ATP6V0D2: variants seen among roughly 807,000 people sequenced by gnomAD.
ATP6V0D2 encodes the protein V-type proton ATPase subunit d 2.
A neutral mutation model predicts 40.0 loss-of-function variants in ATP6V0D2; 40 were observed. The ratio of observed to expected loss-of-function variants is 1.00; its 90% CI spans 0.78 to 1.30. The LOEUF is 1.30. ATP6V0D2 is among the 50% of genes most tolerant of loss of function. The pLI, the probability that ATP6V0D2 is intolerant of heterozygous loss-of-function variation, is 0.00. For synonymous variants in ATP6V0D2, 179 were observed against 156.3 expected (o/e 1.15, Z -1.08); for missense variants, 470 against 423.1 (o/e 1.11, Z -0.97).
chr8:86,100,857 CAA>C (rs796758762), intron 1 of ATP6V0D2, among the ~76,000 whole-genome samples: 4 of 130,868 alleles, frequency 3.1e-5, no homozygotes, highest in African/African-American at 5.6e-5. Context: ...TTTGTGATAC[CAA>C]AAAAAAAAAA....
rs150673068 is a variant in ATP6V0D2 at position 86,139,629 on chromosome 8, C to T, written c.475C>T (p.Pro159Ser). Residue 159 changes from proline (P) to serine (S), a missense_variant, in exon 3 of 8, where the codon CCA becomes TCA. Coordinates refer to ENST00000285393, the MANE Select transcript of ATP6V0D2 (RefSeq NM_152565.1). ...CTTTAATGCCATTCTGATCGAAACG[C>T]CATTAGGTAGGAACACTTAGGTAAT... ...DLFNAILIET[P>S]LAPFFQDCMS... 6.3e-6 allele frequency: 10 copies of T among 1,589,922 alleles called. No homozygotes were observed. The African/African-American group carries it at 1.1e-4, about 17-fold the overall frequency.
rs1242479597 is a variant in ATP6V0D2, at chr8:86,133,316, C to CTTT, written c.303-6118_303-6116dup. Among the ~76,000 whole-genome samples, 614 of 77,286 alleles carry CTTT rather than the reference C, an allele frequency of 7.9e-3. 12 individuals are homozygous for CTTT. The highest frequency in any genetic ancestry group is 0.01 in the African/African-American group (189 of 18,762). The allele number at this position is 77,286 out of a possible 152,430, so 50.7% of individuals were successfully genotyped here. On this transcript the variant is annotated intron_variant, in intron 2 of 7. Transcript: ENST00000285393. ...AGGGGCAGCTTCACAAACAGAAAGTCTTTTTTTTTTTTTTTTTTTTTTTTT... is the reference window on the plus strand; with the variant it reads ...AGGGGCAGCTTCACAAACAGAAAGTCTTTTTTTTTTTTTTTTTTTTTTTTTTTT...
At chr8:86,138,963 C>T (rs1251740819) in intron 2 of ATP6V0D2, among the ~76,000 whole-genome samples, 2 of 152,182 alleles carry the variant, frequency 1.3e-5, no homozygotes, top group South Asian at 2.1e-4. Flanking sequence ...CACCATGGCT[C>T]ATGCCTATAA....
At chr8:86,147,574 A>G (rs1376571939) in intron 5 of ATP6V0D2, among the ~76,000 whole-genome samples, 1 of 152,158 alleles carries the variant, frequency 6.6e-6, no homozygotes, top group Non-Finnish European at 1.5e-5. Context: ...GTCCTTTTCC[A>G]ATTCTAAAAC....
At chr8:86,107,437 CA>C (rs1270336312) in intron 1 of ATP6V0D2, among the ~76,000 whole-genome samples, 2 of 152,122 alleles carry the variant, frequency 1.3e-5, no homozygotes, top group African/African-American at 4.8e-5. Flanking sequence ...TGAATGAGGA[CA>C]AGAGTCAGGT....
In ATP6V0D2 at chr8:86,152,867, T is replaced by C. The variant is rs1366026427; in HGVS notation, c.943T>C (p.Tyr315His). The C allele has an allele frequency of 1.2e-6, 2 of 1,612,602 alleles. No individual in the cohort carries two copies. The highest frequency in any genetic ancestry group is 1.7e-6 in the Non-Finnish European group (2 of 1,179,508). The change falls in exon 8 of 8, where the codon TAT (tyrosine) becomes CAT (histidine). Residue 315 changes from tyrosine (Y) to histidine (H), a missense_variant. Physicochemically the swap from Tyr to His is moderately conservative, Grantham distance 83. Coordinates refer to ENST00000285393, the MANE Select transcript of ATP6V0D2 (RefSeq NM_152565.1). ...CAGACAGTTCCACTACGGTGTGTTT[T>C]ATGCATATGTAAAGCTGAAGGAACA... is the stretch of plus-strand genomic sequence containing the variant. The part of the protein sequence containing the change: ...FNRQFHYGVF[Y>H]AYVKLKEQEI...
chr8:86,141,965 G>T (rs1355754013), intron 4 of ATP6V0D2, among the ~76,000 whole-genome samples: 2 of 152,168 alleles, frequency 1.3e-5, no homozygotes, highest in Non-Finnish European at 2.9e-5. Flanking sequence ...AATCTACAGT[G>T]TGCAGCATAC....
intron 1 of ATP6V0D2, among the ~76,000 whole-genome samples, chr8:86,100,265 TTATTATTA>T: frequency 6.6e-6 from 1 of 152,280 alleles, no homozygotes; most frequent in Admixed American, 6.5e-5. Context: ...AACAGTATTT[TTATTATTA>T]AAAACAGCTA....
At chr8:86,152,326 A>G (rs182376476) in intron 7 of ATP6V0D2, among the ~76,000 whole-genome samples, 154 of 152,252 alleles carry the variant, frequency 1.0e-3, no homozygotes, top group Non-Finnish European at 2.0e-3. Flanking sequence ...GCTATCACTG[A>G]TGGGCATTTG....
intron 4 of ATP6V0D2, 99 bp downstream of exon 4, chr8:86,141,628 C>A: frequency 1.2e-6 from 1 of 806,402 alleles, no homozygotes; most frequent in Non-Finnish European, 1.9e-6. Context: ...CCAACTTCTG[C>A]AATTATGAAA....
At chr8:86,141,595 T>G in intron 4 of ATP6V0D2, 66 bp downstream of exon 4, 4 of 1,195,084 alleles carry the variant, frequency 3.3e-6, no homozygotes, top group Non-Finnish European at 4.7e-6. Flanking sequence ...GAGTTCTCTA[T>G]TAAAACTTAC....
At position 86,151,532 on chromosome 8, in the gene ATP6V0D2, G is replaced by C; in HGVS notation, c.883G>C (p.Glu295Gln). ...AAAGACATTGGAGGACGTGTTTTAC[G>C]AGCGTGAGGTATGATATAAGTGGAA... ...GGKTLEDVFY[E>Q]REVQMNVLAF... is the part of the protein sequence containing the mutation. The change falls in exon 7 of 8, where the codon GAG (glutamate) becomes CAG (glutamine). Residue 295 changes from glutamate (E) to glutamine (Q), a missense_variant. By Grantham distance (29) the Glu-to-Gln change is conservative. Coordinates refer to ENST00000285393, the MANE Select transcript of ATP6V0D2 (RefSeq NM_152565.1). 1 of 1,606,864 alleles carries C rather than the reference G, an allele frequency of 6.2e-7. No homozygotes were observed.
chr8:86,148,487 T>A (rs1194484918), intron 5 of ATP6V0D2, among the ~76,000 whole-genome samples: 1 of 152,168 alleles, frequency 6.6e-6, no homozygotes, highest in Non-Finnish European at 1.5e-5. Flanking sequence ...AGTCAAAAGC[T>A]GATTAGAGGA....
intron 2 of ATP6V0D2, among the ~76,000 whole-genome samples, chr8:86,114,151 G>A (rs1259270411): frequency 6.7e-6 from 1 of 150,328 alleles, no homozygotes; most frequent in Non-Finnish European, 1.5e-5. Context: ...AAAAAAAAAA[G>A]TGTTGCCAGT....
chr8:86,144,816 G>A (rs1819024977), intron 5 of ATP6V0D2, among the ~76,000 whole-genome samples: 1 of 151,694 alleles, frequency 6.6e-6, no homozygotes, highest in Non-Finnish European at 1.5e-5. Flanking sequence ...ACATGCACAT[G>A]CCACCATGCC....
chr8:86,126,843 T>C (rs1039397505), intron 2 of ATP6V0D2, among the ~76,000 whole-genome samples: 14 of 152,144 alleles, frequency 9.2e-5, no homozygotes, highest in African/African-American at 3.1e-4. Flanking sequence ...GTTTGAAGAA[T>C]TTTTAATCTA....
Position 86,117,402 on chromosome 8 carries a change from C to T in ATP6V0D2, c.302+3522C>T, listed in dbSNP as rs562908252. ...TCGTGTAAAGAATTAGACTACAGAT[C>T]TAGCTCAAATTGTTTTCCCAAATAG... is the stretch of plus-strand genomic sequence containing the variant. On this transcript the variant is annotated intron_variant, in intron 2 of 7. Transcript: ENST00000285393. Among the ~76,000 whole-genome samples the T allele has an allele frequency of 3.6e-4, 55 of 152,310 alleles. No homozygotes were observed. In the South Asian group the frequency reaches 1.0e-2, roughly 28 times the overall value.
At chr8:86,148,199 G>C (rs1421694552) in intron 5 of ATP6V0D2, among the ~76,000 whole-genome samples, 6 of 152,240 alleles carry the variant, frequency 3.9e-5, no homozygotes, top group Admixed American at 3.9e-4. Context: ...TTTGTTTTAA[G>C]TTTTCTTATT....
chr8:86,120,531 G>T (rs1818655521), intron 2 of ATP6V0D2, among the ~76,000 whole-genome samples: 1 of 152,004 alleles, frequency 6.6e-6, no homozygotes, highest in African/African-American at 2.4e-5. Context: ...CACCAGCCTG[G>T]GCAACACAGC....
Sources: allele counts gnomAD v4.1 joint callset (sites outside exome capture counted in the v4.1 genomes callset), GRCh38; gene constraint gnomAD v4.1.1; transcripts MANE v1.5; gene names NCBI Gene and HGNC (gene_info 2026-07-23, HGNC 2026-07-21).